SGCD: variants seen among roughly 807,000 people sequenced by gnomAD.
SGCD encodes sarcoglycan delta, also known as delta-sarcoglycan.
A neutral mutation model predicts 36.6 loss-of-function variants in SGCD; 18 were observed. The observed-to-expected ratio is 0.49, with a 90% CI of 0.34 to 0.73. The LOEUF (loss-of-function observed/expected upper bound fraction) is 0.73. Ranked by LOEUF, SGCD falls within the 30% of genes least tolerant of loss-of-function variation. SGCD has a pLI of 0.01. For missense variants in SGCD, 387 were observed against 346.7 expected, an observed-to-expected ratio of 1.12 and a Z score of -0.92; for synonymous variants, 133 against 130.6, an observed-to-expected ratio of 1.02 and a Z score of -0.12.
At chr5:156,219,434 G>T (rs766175596) in intron 3 of SGCD, among the ~76,000 whole-genome samples, 2 of 151,954 alleles carry the variant, frequency 1.3e-5, no homozygotes, top group Non-Finnish European at 2.9e-5. Context: ...ATTCTTGTCG[G>T]ACATAGTAGG....
chr5:156,453,513 A>G (rs574044444), intron 3 of SGCD, among the ~76,000 whole-genome samples: 37 of 152,306 alleles, frequency 2.4e-4, no homozygotes, highest in East Asian at 2.1e-3. Context: ...AATGTACCCC[A>G]GTAGGTGGGT....
chr5:156,701,091 C>G (rs1190219015), intron 7 of SGCD, among the ~76,000 whole-genome samples: 1 of 152,136 alleles, frequency 6.6e-6, no homozygotes, highest in Non-Finnish European at 1.5e-5. Flanking sequence ...GATGACTCTT[C>G]ATTACTTACC....
intron 6 of SGCD, among the ~76,000 whole-genome samples, chr5:156,613,719 T>C (rs1761916039): frequency 6.6e-6 from 1 of 152,192 alleles, no homozygotes; most frequent in Non-Finnish European, 1.5e-5. Flanking sequence ...ATCCAGGTGA[T>C]TCCTATGCGA....
chr5:155,891,350 G>C (rs1432698516), intron 1 of SGCD, among the ~76,000 whole-genome samples: 1 of 152,066 alleles, frequency 6.6e-6, no homozygotes, highest in Non-Finnish European at 1.5e-5. Context: ...AAGCTGAGTG[G>C]TCTTGAGCAG....
At chr5:156,442,831 A>T (rs1269679332) in intron 3 of SGCD, among the ~76,000 whole-genome samples, 1 of 152,202 alleles carries the variant, frequency 6.6e-6, no homozygotes, top group Non-Finnish European at 1.5e-5. Context: ...TTGCCCTTAC[A>T]GGGCTTATGT....
intron 7 of SGCD, among the ~76,000 whole-genome samples, chr5:156,656,137 G>A (rs1763665282): frequency 6.6e-6 from 1 of 152,112 alleles, no homozygotes; most frequent in African/African-American, 2.4e-5. Flanking sequence ...AAGTCAAAAT[G>A]TCTTTATAAA....
intron 3 of SGCD, among the ~76,000 whole-genome samples, chr5:156,419,289 G>C: frequency 6.6e-6 from 1 of 152,080 alleles, no homozygotes. Flanking sequence ...GAATGGGAGT[G>C]TTTCAACAGC....
At chr5:155,773,419 G>T in the SGCD span, among the ~76,000 whole-genome samples, 1 of 152,090 alleles carries the variant, frequency 6.6e-6, no homozygotes, top group Admixed American at 6.6e-5. Context: ...GCCTCAACCA[G>T]TCCTCCTGAC....
At chr5:156,058,102 A>C (rs1760107107) in intron 1 of SGCD, among the ~76,000 whole-genome samples, 1 of 146,204 alleles carries the variant, frequency 6.8e-6, no homozygotes, top group Admixed American at 6.8e-5. Flanking sequence ...GAACCAAATT[A>C]TATGGGCTTC....
chr5:155,806,580 A>C, the SGCD span, among the ~76,000 whole-genome samples: 1 of 152,228 alleles, frequency 6.6e-6, no homozygotes, highest in Non-Finnish European at 1.5e-5. Context: ...GGGACAGAGA[A>C]GGTAATAATA....
intron 1 of SGCD, among the ~76,000 whole-genome samples, chr5:156,056,980 G>A (rs1196464821): frequency 6.8e-6 from 1 of 146,160 alleles, no homozygotes. Flanking sequence ...CCCTAAGTAC[G>A]TTTGAAATAC....
chr5:156,589,352 C>T (rs1208809913), intron 5 of SGCD, 34 bp downstream of exon 5: 1 of 1,178,984 alleles, frequency 8.5e-7, no homozygotes, highest in Admixed American at 2.0e-5. Context: ...GTGCCTAGCC[C>T]ATGCGAGGCA....
At chr5:156,191,257 GGAA>G (rs1387876105) in intron 3 of SGCD, among the ~76,000 whole-genome samples, 2 of 151,994 alleles carry the variant, frequency 1.3e-5, no homozygotes, top group African/African-American at 4.8e-5. Flanking sequence ...TTCCAAAGTT[GGAA>G]TCTTGAAGAC....
At chr5:155,777,702 G>A in the SGCD span, among the ~76,000 whole-genome samples, 2 of 152,116 alleles carry the variant, frequency 1.3e-5, no homozygotes, top group Admixed American at 6.6e-5. Context: ...AGCAGTGAAA[G>A]GAGCCACTGA....
intron 6 of SGCD, among the ~76,000 whole-genome samples, chr5:156,619,315 G>A (rs1762152916): frequency 6.6e-6 from 1 of 152,178 alleles, no homozygotes; most frequent in Non-Finnish European, 1.5e-5. Flanking sequence ...GTGAGCTGCC[G>A]AGCCGGCCGA....
At chr5:155,747,975 T>C in the SGCD span, among the ~76,000 whole-genome samples, 1 of 152,172 alleles carries the variant, frequency 6.6e-6, no homozygotes, top group Non-Finnish European at 1.5e-5. Flanking sequence ...AACCTGTCAT[T>C]TTTGACCACC....
intron 4 of SGCD, among the ~76,000 whole-genome samples, chr5:156,568,604 G>A (rs1238526656): frequency 6.6e-6 from 1 of 152,196 alleles, no homozygotes; most frequent in Non-Finnish European, 1.5e-5. Context: ...ATGGCATACT[G>A]TCCACACACT....
At chr5:156,554,456 G>C (rs1328816226) in intron 4 of SGCD, among the ~76,000 whole-genome samples, 1 of 150,910 alleles carries the variant, frequency 6.6e-6, no homozygotes, top group Non-Finnish European at 1.5e-5. Context: ...CTGTTCATGT[G>C]TTACTATGCC....
chr5:155,832,476 T>G, the SGCD span, among the ~76,000 whole-genome samples: 1 of 152,312 alleles, frequency 6.6e-6, no homozygotes, highest in South Asian at 2.1e-4. Context: ...TCTGGTCTTC[T>G]GCATGGTTGG....
Sources: gnomAD v4.1 joint callset for allele counts (sites outside exome capture counted in the v4.1 genomes callset) on GRCh38, gnomAD v4.1.1 for gene constraint, MANE v1.5 for transcripts, NCBI Gene and HGNC (gene_info 2026-07-23, HGNC 2026-07-21) for gene names.